CPNE4: variants seen among roughly 807,000 people sequenced by gnomAD.
CPNE4 encodes copine 4, also known as copine-4.
Under a neutral mutation model 67.9 loss-of-function variants are expected in CPNE4, and 25 were observed. The ratio of observed to expected loss-of-function variants is 0.37; its 90% CI spans 0.27 to 0.51. CPNE4 has a LOEUF of 0.51. CPNE4 is among the 20% of genes least tolerant of loss of function. CPNE4 has a pLI of 0.93. For missense variants in CPNE4, 464 were observed against 690.8 expected, an observed-to-expected ratio of 0.67 and a Z score of 3.68; for synonymous variants, 242 against 244.9, an observed-to-expected ratio of 0.99 and a Z score of 0.11.
intron 2 of CPNE4, among the ~76,000 whole-genome samples, chr3:131,838,814 T>C (rs1444712766): frequency 2.0e-5 from 3 of 151,724 alleles, no homozygotes; most frequent in African/African-American, 7.3e-5. Flanking sequence ...TATATTCGTA[T>C]ACATGAATAT....
chr3:131,913,428 C>T (rs949289224), intron 1 of CPNE4, among the ~76,000 whole-genome samples: 4 of 152,284 alleles, frequency 2.6e-5, no homozygotes, highest in Middle Eastern at 3.4e-3. Context: ...CTCCAGTAAA[C>T]ACACTGCTCG....
chr3:131,784,031 TATACA>T (rs936378279), intron 2 of CPNE4, among the ~76,000 whole-genome samples: 2 of 152,138 alleles, frequency 1.3e-5, no homozygotes, highest in African/African-American at 4.8e-5. Flanking sequence ...GCTCAGCAAA[TATACA>T]ATATAGTTTT....
At chr3:131,670,816 GTTT>G (rs1260776682) in intron 6 of CPNE4, among the ~76,000 whole-genome samples, 4 of 28,414 alleles carry the variant, frequency 1.4e-4, no homozygotes, top group Non-Finnish European at 2.8e-4. Flanking sequence ...GGAATTTTTT[GTTT>G]TTTTTTTTTG....
intron 6 of CPNE4, among the ~76,000 whole-genome samples, chr3:131,683,770 T>C (rs1445534846): frequency 6.6e-6 from 1 of 152,118 alleles, no homozygotes; most frequent in East Asian, 1.9e-4. Context: ...GCCTTTCAAA[T>C]TTATTTAGGA....
At chr3:131,591,490 G>T (rs1007795381) in intron 7 of CPNE4, among the ~76,000 whole-genome samples, 1 of 152,218 alleles carries the variant, frequency 6.6e-6, no homozygotes, top group Non-Finnish European at 1.5e-5. Flanking sequence ...CCCTTAAGCT[G>T]CCAACCTCAA....
chr3:131,899,697 C>T (rs9847672), intron 2 of CPNE4, among the ~76,000 whole-genome samples: 31,074 of 152,012 alleles, frequency 0.2, 3,871 homozygotes, highest in Non-Finnish European at 0.27. Context: ...ACATAACTGG[C>T]ATCAACACAG....
intron 1 of CPNE4, among the ~76,000 whole-genome samples, chr3:131,949,722 TA>T (rs2071664665): frequency 6.6e-6 from 1 of 152,158 alleles, no homozygotes; most frequent in South Asian, 2.1e-4. Flanking sequence ...ACCATCCTAT[TA>T]AAATTTCAAA....
At chr3:131,719,682 C>T (rs56300711) in intron 3 of CPNE4, among the ~76,000 whole-genome samples, 11,979 of 152,128 alleles carry the variant, frequency 0.079, 551 homozygotes, top group African/African-American at 0.11. Context: ...ATAAGGCATC[C>T]ATAGATAGAG....
intron 1 of CPNE4, among the ~76,000 whole-genome samples, chr3:131,922,084 A>G (rs1012446194): frequency 2.0e-5 from 3 of 152,134 alleles, no homozygotes; most frequent in Non-Finnish European, 4.4e-5. Context: ...CTTGCCCCCA[A>G]CTAGTAGTCT....
intron 9 of CPNE4, among the ~76,000 whole-genome samples, chr3:131,578,711 G>A (rs987903318): frequency 3.3e-5 from 5 of 152,112 alleles, no homozygotes; most frequent in Admixed American, 1.3e-4. Context: ...AAGTTTTAGT[G>A]GTTTAGATAA....
At chr3:131,832,530 C>A (rs972072953) in intron 2 of CPNE4, among the ~76,000 whole-genome samples, 11 of 152,150 alleles carry the variant, frequency 7.2e-5, no homozygotes, top group African/African-American at 2.7e-4. Flanking sequence ...TACTCTTGAG[C>A]CTTAAAATCT....
At chr3:131,906,434 A>C (rs1246150307) in intron 1 of CPNE4, among the ~76,000 whole-genome samples, 1 of 116,112 alleles carries the variant, frequency 8.6e-6, no homozygotes, top group Non-Finnish European at 1.7e-5. Flanking sequence ...TCCCCAGAGT[A>C]TGATGTTGCC....
At chr3:131,903,394 A>C (rs1398357248) in intron 2 of CPNE4, among the ~76,000 whole-genome samples, 1 of 145,492 alleles carries the variant, frequency 6.9e-6, no homozygotes, top group Non-Finnish European at 1.5e-5. Context: ...TAGACTAGGT[A>C]CCTAGATGCA....
chr3:131,906,714 C>A (rs1040611821), intron 1 of CPNE4, among the ~76,000 whole-genome samples: 6 of 151,698 alleles, frequency 4.0e-5, no homozygotes, highest in African/African-American at 1.5e-4. Context: ...AATAAACATA[C>A]GTGTGCATGT....
chr3:131,950,878 C>G (rs1286677477), intron 1 of CPNE4, among the ~76,000 whole-genome samples: 1 of 152,156 alleles, frequency 6.6e-6, no homozygotes, highest in Non-Finnish European at 1.5e-5. Flanking sequence ...CATAAAATGT[C>G]AACTTGTGGT....
At chr3:131,877,179 G>T (rs2087494517) in intron 2 of CPNE4, among the ~76,000 whole-genome samples, 1 of 152,004 alleles carries the variant, frequency 6.6e-6, no homozygotes, top group African/African-American at 2.4e-5. Context: ...GAGCAGTGTT[G>T]TAGGGACAAA....
intron 5 of CPNE4, among the ~76,000 whole-genome samples, chr3:131,691,711 TAAAA>T: frequency 6.6e-6 from 1 of 150,762 alleles, no homozygotes; most frequent in African/African-American, 2.4e-5. Context: ...GTTGAAATAT[TAAAA>T]AAAAAGTGGG....
At chr3:131,939,100 G>A (rs938806147) in intron 1 of CPNE4, among the ~76,000 whole-genome samples, 3 of 152,182 alleles carry the variant, frequency 2.0e-5, no homozygotes, top group South Asian at 2.1e-4. Context: ...AATTGTAAAC[G>A]CATATACCCT....
chr3:131,892,221 T>C (rs907177845), intron 2 of CPNE4, among the ~76,000 whole-genome samples: 28 of 152,106 alleles, frequency 1.8e-4, no homozygotes, highest in African/African-American at 6.5e-4. Context: ...TTGCAGAGTA[T>C]CCAATATTTG....
Sources: gnomAD v4.1 joint callset for allele counts (sites outside exome capture counted in the v4.1 genomes callset) on GRCh38, gnomAD v4.1.1 for gene constraint, MANE v1.5 for transcripts, NCBI Gene and HGNC (gene_info 2026-07-23, HGNC 2026-07-21) for gene names.